KAZN: variants seen among roughly 807,000 people sequenced by gnomAD.
KAZN encodes kazrin.
In KAZN, 40 loss-of-function variants were observed where a neutral mutation model predicts 87.4. The observed-to-expected ratio is 0.46, with a 90% CI of 0.36 to 0.60. The LOEUF is 0.60. Ranked by LOEUF, KAZN falls within the 20% of genes least tolerant of loss-of-function variation. The pLI, the probability that KAZN is intolerant of heterozygous loss-of-function variation, is 0.00. For synonymous variants in KAZN, 466 were observed against 458.3 expected (o/e 1.02, Z -0.22); for missense variants, 898 against 1,073.9 (o/e 0.84, Z 2.29).
chr1:14,766,307 G>T (rs940472597), intron 1 of KAZN, among the ~76,000 whole-genome samples: 1 of 151,950 alleles, frequency 6.6e-6, no homozygotes, highest in Admixed American at 6.5e-5. Context: ...GCAGCTGGAA[G>T]TTGCCCCCAG....
At chr1:14,701,168 G>A (rs1641899163) in intron 1 of KAZN, among the ~76,000 whole-genome samples, 1 of 152,168 alleles carries the variant, frequency 6.6e-6, no homozygotes, top group South Asian at 2.1e-4. Context: ...CCAGGCTGCA[G>A]TGCAATGGCA....
intron 1 of KAZN, among the ~76,000 whole-genome samples, chr1:13,987,680 A>AAGAGAG (rs70987710): frequency 2.0e-5 from 3 of 151,208 alleles, no homozygotes; most frequent in South Asian, 4.2e-4. Flanking sequence ...GAGGGAGAGA[A>AAGAGAG]AGAGAGAGAG....
At chr1:14,997,827 C>G (rs1668051786) in intron 2 of KAZN, among the ~76,000 whole-genome samples, 1 of 152,180 alleles carries the variant, frequency 6.6e-6, no homozygotes, top group South Asian at 2.1e-4. Context: ...TGGGCATGAT[C>G]AGATCCCACC....
chr1:14,337,638 G>A (rs1657366070), intron 2 of KAZN, among the ~76,000 whole-genome samples: 1 of 152,190 alleles, frequency 6.6e-6, no homozygotes, highest in South Asian at 2.1e-4. Context: ...GCTCACGCCT[G>A]TAATCTCAGC....
intron 2 of KAZN, among the ~76,000 whole-genome samples, chr1:14,204,984 G>A (rs1646710052): frequency 6.6e-6 from 1 of 152,184 alleles, no homozygotes; most frequent in South Asian, 2.1e-4. Context: ...CTAAGAAGGT[G>A]TTCTTGATTT....
chr1:14,566,074 C>A (rs1191474199), intron 2 of KAZN, among the ~76,000 whole-genome samples: 2 of 152,192 alleles, frequency 1.3e-5, no homozygotes, highest in African/African-American at 2.4e-5. Context: ...TTTACTCAGG[C>A]CCATCAGAGG....
Position 15,094,220 on chromosome 1 carries a change from C to A in KAZN, c.1263C>A (p.Ser421Arg). 1 of 1,613,842 alleles carries A rather than the reference C, an allele frequency of 6.2e-7. No individual in the cohort carries two copies. Among genetic ancestry groups the A allele is most frequent in the Non-Finnish European group, 8.5e-7 (1 of 1,179,898 alleles). ...GCAGCCCCACGCGGCAGAGCCTCAG[C>A]CTGTCGGAAGGCGAGGAGCAGATGG... ...SQCSPTRQSL[S>R]LSEGEEQMDR... The change falls in exon 9 of 15, where the codon AGC becomes AGA. Residue 421 changes from serine to arginine, a missense_variant. By Grantham distance (110) the Ser-to-Arg change is moderately radical. Transcript: ENST00000376030. This position sits in a 1 kb window ranked among gnomAD's most constrained non-coding sequence, Gnocchi z 4.5.
At chr1:14,872,938 A>AGATGGATGGATG (rs143254162) in intron 1 of KAZN, among the ~76,000 whole-genome samples, 1,492 of 146,208 alleles carry the variant, frequency 0.01, 25 homozygotes, top group African/African-American at 0.034. Context: ...ATGGATGGAT[A>AGATGGATGGATG]GATGGATGGA....
intron 1 of KAZN, among the ~76,000 whole-genome samples, chr1:14,919,237 C>A (rs1055576274): frequency 6.6e-5 from 10 of 152,302 alleles, no homozygotes; most frequent in Admixed American, 1.3e-4. Flanking sequence ...AGTGCAGTGG[C>A]ACGATCTCGG....
intron 2 of KAZN, among the ~76,000 whole-genome samples, chr1:14,418,893 C>T (rs1009579213): frequency 1.4e-4 from 21 of 152,190 alleles, no homozygotes; most frequent in Non-Finnish European, 2.4e-4. Context: ...AAGGCTTCTG[C>T]ATCTGCAGAA....
chr1:14,229,844 T>C (rs1647641502), intron 2 of KAZN, among the ~76,000 whole-genome samples: 1 of 152,278 alleles, frequency 6.6e-6, no homozygotes, highest in Non-Finnish European at 1.5e-5. Context: ...CGTTAGATTC[T>C]CCTGGATGCA....
intron 1 of KAZN, among the ~76,000 whole-genome samples, chr1:14,673,796 T>C (rs1640060407): frequency 6.6e-6 from 1 of 152,184 alleles, no homozygotes; most frequent in Non-Finnish European, 1.5e-5. Context: ...TCCGTGTGCT[T>C]TCTCTTCCCA....
intron 2 of KAZN, among the ~76,000 whole-genome samples, chr1:14,522,593 G>A (rs1337316493): frequency 6.6e-6 from 1 of 152,170 alleles, no homozygotes; most frequent in Non-Finnish European, 1.5e-5. Flanking sequence ...TAAAAAGCCC[G>A]AGAAAAGAAC....
At chr1:14,718,083 G>A (rs1056456573) in intron 1 of KAZN, among the ~76,000 whole-genome samples, 2 of 152,212 alleles carry the variant, frequency 1.3e-5, no homozygotes, top group East Asian at 1.9e-4. Context: ...GGTCACCAGC[G>A]GCAGGGCAAG....
chr1:14,557,266 G>A lies in KAZN; in HGVS notation c.250-41717G>A, dbSNP rs182551715. Among the ~76,000 whole-genome samples the A allele has an allele frequency of 3.4e-4, 52 of 152,246 alleles. 1 individual carries two copies. The highest frequency in any genetic ancestry group is 1.2e-3 in the African/African-American group (50 of 41,542). ...AGAAAATATGGGAGACATTTGCATTGACCAATGGCCAAACCTTTGTGCATT... is the reference window on the plus strand; with the variant it reads ...AGAAAATATGGGAGACATTTGCATTAACCAATGGCCAAACCTTTGTGCATT... On this transcript the variant is annotated intron_variant, in intron 2 of 16. Transcript: ENST00000636203.
At chr1:14,084,671 A>G (rs1643797848) in intron 1 of KAZN, among the ~76,000 whole-genome samples, 1 of 145,080 alleles carries the variant, frequency 6.9e-6, no homozygotes, top group African/African-American at 2.6e-5. Context: ...CTAATTGGCC[A>G]TCTTATATCA....
chr1:14,998,206 A>G (rs1668097788), intron 2 of KAZN, among the ~76,000 whole-genome samples: 1 of 152,080 alleles, frequency 6.6e-6, no homozygotes, highest in Non-Finnish European at 1.5e-5. Context: ...TGATTCCCTG[A>G]TGGTTTTCAT....
At chr1:14,057,905 T>C (rs984888240) in intron 1 of KAZN, among the ~76,000 whole-genome samples, 1 of 152,234 alleles carries the variant, frequency 6.6e-6, no homozygotes, top group Non-Finnish European at 1.5e-5. Flanking sequence ...ACTAGAGTGC[T>C]GGACAAAGAG....
intron 2 of KAZN, among the ~76,000 whole-genome samples, chr1:14,976,770 T>C (rs1250966376): frequency 6.6e-6 from 1 of 152,102 alleles, no homozygotes; most frequent in African/African-American, 2.4e-5. Flanking sequence ...AACTGGGCTC[T>C]AGGCAGGGCG....
Sources: allele counts gnomAD v4.1 joint callset (sites outside exome capture counted in the v4.1 genomes callset), GRCh38; gene constraint gnomAD v4.1.1; non-coding constraint Gnocchi (gnomAD v3.1); transcripts MANE v1.5; gene names NCBI Gene and HGNC (gene_info 2026-07-23, HGNC 2026-07-21).